RUNX2: variants seen among roughly 807,000 people sequenced by gnomAD.
RUNX2 encodes runt-related transcription factor 2.
Under a neutral mutation model 51.7 loss-of-function variants are expected in RUNX2, and 10 were observed. The ratio of observed to expected loss-of-function variants is 0.19; its 90% CI spans 0.12 to 0.33. The LOEUF (loss-of-function observed/expected upper bound fraction) is 0.33, where lower values mean the gene tolerates loss of function less well. RUNX2 is among the 10% of genes least tolerant of loss of function. The pLI is 1.00. For missense variants in RUNX2, 562 were observed against 691.3 expected, an observed-to-expected ratio of 0.81 and a Z score of 2.10; for synonymous variants, 276 against 273.6, an observed-to-expected ratio of 1.01 and a Z score of -0.09.
Position 45,518,736 on chromosome 6 carries a change from G to T in RUNX2, c.1021+6329G>T, listed in dbSNP as rs190795393. Among the ~76,000 whole-genome samples the T allele has an allele frequency of 3.7e-3, 565 of 152,258 alleles. 3 individuals are homozygous for T. Among genetic ancestry groups the T allele is most frequent in the Non-Finnish European group, 6.7e-3 (459 of 68,010 alleles). ...ATAGGGAAAAGATTTAGTAATGAAA[G>T]GAATCATGCTTTTGCAGGGATGGCA... is the stretch of plus-strand genomic sequence containing the variant. On this transcript the variant is annotated intron_variant, in intron 7 of 8. Coordinates refer to ENST00000647337, the MANE Select transcript of RUNX2 (RefSeq NM_001024630.4).
At chr6:45,394,447 C>A (rs977466926) in intron 2 of RUNX2, among the ~76,000 whole-genome samples, 1 of 152,168 alleles carries the variant, frequency 6.6e-6, no homozygotes, top group African/African-American at 2.4e-5. Flanking sequence ...CTTTGGGTTT[C>A]CCTAGAGACT....
In RUNX2 at chr6:45,341,613, G is replaced by A. The variant is rs566292495; in HGVS notation, c.58+12829G>A. Among the ~76,000 whole-genome samples, 36 of 152,290 alleles carry A rather than the reference G, an allele frequency of 2.4e-4. 1 individual carries two copies. The highest frequency in any genetic ancestry group is 7.2e-4 in the African/African-American group (30 of 41,556). ...GAGTTTGTCTCCGCAACTTCATAAA[G>A]AGTACAATGGCATAAGACTCGAGGT... On this transcript the variant is annotated intron_variant, in intron 2 of 8. Transcript: ENST00000647337.
intron 2 of RUNX2, among the ~76,000 whole-genome samples, chr6:45,371,518 T>C (rs1219251636): frequency 1.3e-5 from 2 of 152,028 alleles, no homozygotes; most frequent in Non-Finnish European, 2.9e-5. Context: ...AGATAGCAGA[T>C]AACCTGAAAT....
intron 2 of RUNX2, among the ~76,000 whole-genome samples, chr6:45,411,431 C>G (rs1582083150): frequency 6.6e-6 from 1 of 151,940 alleles, no homozygotes; most frequent in Non-Finnish European, 1.5e-5. Context: ...TGACTTTGAA[C>G]TGGAATATTT....
At chr6:45,413,661 C>A (rs548011421) in intron 2 of RUNX2, among the ~76,000 whole-genome samples, 8 of 151,936 alleles carry the variant, frequency 5.3e-5, no homozygotes, top group Non-Finnish European at 8.8e-5. Context: ...GAACTTCTGA[C>A]CTTGTGATCC....
At chr6:45,522,618 C>T (rs1801541566) in intron 7 of RUNX2, among the ~76,000 whole-genome samples, 1 of 152,198 alleles carries the variant, frequency 6.6e-6, no homozygotes, top group South Asian at 2.1e-4. Flanking sequence ...TCCCCTAAGT[C>T]AGGGGCCTAG....
chr6:45,485,908 C>T (rs536656331), intron 5 of RUNX2, among the ~76,000 whole-genome samples: 2 of 151,742 alleles, frequency 1.3e-5, no homozygotes, highest in African/African-American at 4.8e-5. Flanking sequence ...CCCTGCACTT[C>T]CTATAATACT....
chr6:45,469,562 C>G (rs1799737296), intron 5 of RUNX2, among the ~76,000 whole-genome samples: 1 of 152,136 alleles, frequency 6.6e-6, no homozygotes, highest in Non-Finnish European at 1.5e-5. Flanking sequence ...ATAGCAAGAA[C>G]CAGCATTCAA....
At chr6:45,369,977 G>A (rs1795783128) in intron 2 of RUNX2, among the ~76,000 whole-genome samples, 1 of 152,074 alleles carries the variant, frequency 6.6e-6, no homozygotes, top group Non-Finnish European at 1.5e-5. Flanking sequence ...GTAGCAAGAG[G>A]GCAGATCTTA....
At chr6:45,527,986 T>C (rs1486639069) in intron 7 of RUNX2, among the ~76,000 whole-genome samples, 4 of 152,160 alleles carry the variant, frequency 2.6e-5, no homozygotes, top group Non-Finnish European at 5.9e-5. Flanking sequence ...TCCACATGGT[T>C]GGGGAAGCCT....
Position 45,471,594 on chromosome 6 carries a change from A to G in RUNX2, c.686-20347A>G, listed in dbSNP as rs191708540. ...CCAGCAGCTGGGACTACAGGCGCCC[A>G]CCACCACGCCCAGCTAATTTTTTGT... On this transcript the variant is annotated intron_variant, in intron 5 of 8. Transcript: ENST00000647337. Among the ~76,000 whole-genome samples, 381 of 151,030 alleles carry G rather than the reference A, an allele frequency of 2.5e-3. 6 individuals are homozygous for G. Among genetic ancestry groups the G allele is most frequent in the Admixed American group, 0.022 (334 of 15,166 alleles).
chr6:45,349,817 C>T (rs564673761), intron 2 of RUNX2, among the ~76,000 whole-genome samples: 1 of 152,292 alleles, frequency 6.6e-6, no homozygotes, highest in Admixed American at 6.5e-5. Flanking sequence ...CAATTCCATC[C>T]ACTGCATAAT....
Position 45,422,618 on chromosome 6 carries a change from C to G in RUNX2, c.84C>G (p.Ser28Arg), listed in dbSNP as rs1798233629. 2 of 1,606,138 alleles carry G rather than the reference C, an allele frequency of 1.2e-6. No individual in the cohort carries two copies. Among genetic ancestry groups the G allele is most frequent in the Non-Finnish European group, 1.7e-6 (2 of 1,177,092 alleles). Reference sequence around the variant, plus strand: ...ATCCGAGCACCAGCCGGCGCTTCAGCCCCCCCTCCAGCAGCCTGCAGCCCG... The same window carrying G: ...ATCCGAGCACCAGCCGGCGCTTCAGGCCCCCCTCCAGCAGCCTGCAGCCCG... The part of the protein sequence containing the change: ...FWDPSTSRRF[S>R]PPSSSLQPGK... The change falls in exon 3 of 9, where the codon AGC (serine) becomes AGG (arginine). Residue 28 changes from serine to arginine, a missense_variant. Coordinates refer to ENST00000647337, the MANE Select transcript of RUNX2 (RefSeq NM_001024630.4).
At chr6:45,469,329 A>C (rs918071875) in intron 5 of RUNX2, among the ~76,000 whole-genome samples, 1 of 152,232 alleles carries the variant, frequency 6.6e-6, no homozygotes, top group African/African-American at 2.4e-5. Context: ...ATTTTAAAAG[A>C]ATATTTGTAA....
chr6:45,422,867 C>G lies in RUNX2; in HGVS notation c.333C>G (p.Ala111=), dbSNP rs772361635. 4.3e-6 allele frequency: 7 copies of G among 1,612,124 alleles called. No individual in the cohort carries two copies. Among genetic ancestry groups the G allele is most frequent in the South Asian group, 1.1e-5 (1 of 91,048 alleles). ...TGGAGATCATCGCCGACCACCCGGC[C>G]GAACTCGTCCGCACCGACAGCCCCA... ...TMVEIIADHP[A]ELVRTDSPNF... Residue 111 remains alanine (A), a synonymous_variant, in exon 3 of 9, where the codon GCC becomes GCG. Coordinates refer to ENST00000647337, the MANE Select transcript of RUNX2 (RefSeq NM_001024630.4).
At chr6:45,403,013 G>A (rs569244631) in intron 2 of RUNX2, among the ~76,000 whole-genome samples, 1 of 151,916 alleles carries the variant, frequency 6.6e-6, no homozygotes, top group Non-Finnish European at 1.5e-5. Flanking sequence ...AGATCTATGA[G>A]GTTTAAAAAA....
At chr6:45,431,379 G>A (rs1798537677) in intron 3 of RUNX2, among the ~76,000 whole-genome samples, 1 of 152,152 alleles carries the variant, frequency 6.6e-6, no homozygotes, top group Admixed American at 6.5e-5. Flanking sequence ...TCTATGTAGT[G>A]AGGAGCCCCA....
intron 6 of RUNX2, among the ~76,000 whole-genome samples, chr6:45,506,763 C>G (rs986745477): frequency 6.6e-6 from 1 of 152,068 alleles, no homozygotes; most frequent in South Asian, 2.1e-4. Context: ...TCCTCAGCCT[C>G]TAGAGTAGCT....
chr6:45,491,990 C>A lies in RUNX2; in HGVS notation c.735C>A (p.Arg245=), dbSNP rs1397677491. 3 of 1,613,936 alleles carry A rather than the reference C, an allele frequency of 1.9e-6. No homozygotes were observed. Among genetic ancestry groups the A allele is most frequent in the Non-Finnish European group, 2.5e-6 (3 of 1,179,922 alleles). Residue 245 remains arginine (R), a synonymous_variant, in exon 6 of 9, where the codon CGC becomes CGA. Transcript: ENST00000647337. The stretch of plus-strand genomic sequence containing the variant: ...CTAAACCTAGTTTGTTCTCTGACCG[C>A]CTCAGTGATTTAGGGCGCATTCCTC... ...DDSKPSLFSD[R]LSDLGRIPHP...
Sources: allele counts gnomAD v4.1 joint callset (sites outside exome capture counted in the v4.1 genomes callset), GRCh38; gene constraint gnomAD v4.1.1; transcripts MANE v1.5; gene names NCBI Gene and HGNC (gene_info 2026-07-23, HGNC 2026-07-21).